The following TMC5 variants were observed in gnomAD, a reference collection of about 807,000 sequenced individuals.
The protein encoded by TMC5 is transmembrane channel-like protein 5.
Under a neutral mutation model 110.5 loss-of-function variants are expected in TMC5, and 86 were observed. That is an observed-to-expected ratio of 0.78 (90% CI 0.65 to 0.93). TMC5 has a LOEUF of 0.93. Ranked by LOEUF, TMC5 falls within the 40% of genes least tolerant of loss-of-function variation. The pLI is 0.00. For missense variants in TMC5, 1,144 were observed against 1,222.8 expected (o/e 0.94, Z 0.96); for synonymous variants, 455 against 439.5 (o/e 1.04, Z -0.44).
At position 19,490,528 on chromosome 16, in the gene TMC5, G is replaced by A; in HGVS notation, c.2707G>A (p.Gly903Arg). ...WVVWIYRNLI[G>R]SVHFFFILTL... ...TGTTTGGATCTATCGGAACCTCATTGGAAGTGTGCACTTCTTTTTCATCCT... is the reference window on the plus strand; with the variant it reads ...TGTTTGGATCTATCGGAACCTCATTAGAAGTGTGCACTTCTTTTTCATCCT... Residue 903 changes from glycine (G) to arginine (R), a missense_variant, in exon 18 of 22, where the codon GGA (glycine) becomes AGA (arginine). Coordinates refer to ENST00000542583, the MANE Select transcript of TMC5 (RefSeq NM_001261841.2). 6.2e-7 allele frequency: 1 copy of A among 1,613,986 alleles called. No homozygotes were observed. The highest frequency in any genetic ancestry group is 8.5e-7 in the Non-Finnish European group (1 of 1,180,010).
At chr16:19,451,874 C>G (rs1385668635) in intron 5 of TMC5, among the ~76,000 whole-genome samples, 1 of 152,242 alleles carries the variant, frequency 6.6e-6, no homozygotes, top group Non-Finnish European at 1.5e-5. Context: ...TCTCAGCTCA[C>G]TGCAACATCC....
intron 1 of TMC5, among the ~76,000 whole-genome samples, chr16:19,421,335 G>A (rs763721631): frequency 3.3e-5 from 5 of 152,082 alleles, no homozygotes; most frequent in Non-Finnish European, 5.9e-5. Context: ...TCATGAGAGG[G>A]ACGCTGTGGG....
At chr16:19,447,347 G>A (rs1967637333) in intron 4 of TMC5, among the ~76,000 whole-genome samples, 1 of 152,060 alleles carries the variant, frequency 6.6e-6, no homozygotes, top group African/African-American at 2.4e-5. Context: ...CTTGGAACTG[G>A]CACACTGTCA....
At chr16:19,457,076 A>G (rs983352044) in intron 5 of TMC5, 72 of 1,431,314 alleles carry the variant, frequency 5.0e-5, no homozygotes, top group Non-Finnish European at 6.6e-5. Flanking sequence ...CTCGTTGTCC[A>G]CAGCATATTT....
Position 19,449,556 on chromosome 16 carries a change from G to A in TMC5, c.973G>A (p.Val325Ile). ...CTTCCCTCCAGTGAACCCTGCTTAT[G>A]TAGGTGAAAGTGGTCCTGTCCATGC... ...PGSGYVNPAY[V>I]GESGPVHAYG... The change falls in exon 5 of 22, where the codon GTA becomes ATA. Residue 325 changes from valine (V) to isoleucine (I), a missense_variant. Coordinates refer to ENST00000542583, the MANE Select transcript of TMC5 (RefSeq NM_001261841.2). 1.2e-6 allele frequency: 2 copies of A among 1,614,110 alleles called. No homozygotes were observed. The highest frequency in any genetic ancestry group is 1.7e-6 in the Non-Finnish European group (2 of 1,179,996).
intron 9 of TMC5, 138 bp downstream of exon 9, chr16:19,466,371 A>G: frequency 1.0e-6 from 1 of 958,016 alleles, no homozygotes; most frequent in South Asian, 1.7e-5. Flanking sequence ...TTTCTTTCTT[A>G]GATAGAGTCT....
chr16:19,431,744 A>G (rs1479374144), intron 2 of TMC5, among the ~76,000 whole-genome samples: 1 of 152,118 alleles, frequency 6.6e-6, no homozygotes, highest in Non-Finnish European at 1.5e-5. Flanking sequence ...GACAATTCAC[A>G]GGCTTCATGA....
intron 2 of TMC5, among the ~76,000 whole-genome samples, chr16:19,434,003 TTA>T (rs1488276284): frequency 3.7e-5 from 4 of 107,108 alleles, no homozygotes; most frequent in Non-Finnish European, 5.2e-5. Context: ...TATATATATA[TTA>T]TATATATAAT....
At chr16:19,444,440 T>C (rs1264369300) in intron 4 of TMC5, among the ~76,000 whole-genome samples, 190 bp downstream of exon 4, 1 of 151,902 alleles carries the variant, frequency 6.6e-6, no homozygotes, top group Non-Finnish European at 1.5e-5. Context: ...TCATCAATTA[T>C]AAAAAAAATG....
intron 3 of TMC5, 24 bp from the exon 4 acceptor site, chr16:19,444,057 G>A (rs115749898): frequency 8.3e-5 from 134 of 1,608,710 alleles, no homozygotes; most frequent in Non-Finnish European, 1.0e-4. Flanking sequence ...TGGTTGGATA[G>A]TGATCCATCA....
upstream of TMC5, among the ~76,000 whole-genome samples, chr16:19,414,191 GT>G (rs1363443212): frequency 6.7e-6 from 1 of 150,142 alleles, no homozygotes; most frequent in Non-Finnish European, 1.5e-5. Flanking sequence ...TCTATCTAGG[GT>G]CCCTGCTTTC....
Position 19,440,466 on chromosome 16 carries a change from G to T in TMC5, c.428G>T (p.Ser143Ile). Residue 143 changes from serine (S) to isoleucine (I), a missense_variant, in exon 3 of 22, where the codon AGT (serine) becomes ATT (isoleucine). Ser to Ile is a moderately radical substitution (Grantham distance 142). Coordinates refer to ENST00000542583, the MANE Select transcript of TMC5 (RefSeq NM_001261841.2). ...RNPDFAGSSS[S>I]GNYAGSRTHP... ...CCTGATTTTGCAGGCTCCAGCAGCA[G>T]TGGAAACTATGCAGGCTCCAGAACA... The T allele has an allele frequency of 6.2e-7, 1 of 1,614,056 alleles. No individual in the cohort carries two copies. The highest frequency in any genetic ancestry group is 1.1e-5 in the South Asian group (1 of 91,078).
At chr16:19,441,384 A>G (rs556551038) in intron 3 of TMC5, among the ~76,000 whole-genome samples, 1 of 151,798 alleles carries the variant, frequency 6.6e-6, no homozygotes, top group East Asian at 1.9e-4. Context: ...CAGTGGCACA[A>G]TCATAGCTCA....
chr16:19,466,267 G>T, intron 9 of TMC5, 34 bp downstream of exon 9: 1 of 1,608,330 alleles, frequency 6.2e-7, no homozygotes, highest in Non-Finnish European at 8.5e-7. Context: ...GATTCTGAGG[G>T]TCATGTTAGA....
chr16:19,472,385 C>A, intron 11 of TMC5, 142 bp downstream of exon 11: 1 of 948,422 alleles, frequency 1.1e-6, no homozygotes, highest in Non-Finnish European at 1.6e-6. Context: ...GTTAAAAATG[C>A]AGGGGTGAGG....
chr16:19,482,225 T>C (rs973596322), intron 15 of TMC5, among the ~76,000 whole-genome samples: 2 of 152,008 alleles, frequency 1.3e-5, no homozygotes, highest in Non-Finnish European at 2.9e-5. Context: ...GCCCAGCCAA[T>C]TTTTGTATTT....
chr16:19,440,110 C>A lies in TMC5; in HGVS notation c.72C>A (p.Asn24Lys). ...ACCCTGACTATTCAGGGTCTCAGAA[C>A]CGTACGCAGGGGTATTTGAAAACTC... ...PDYPDYSGSQNRTQGYLKTQG... is the reference protein window; with the variant it reads ...PDYPDYSGSQKRTQGYLKTQG... Residue 24 changes from asparagine (N) to lysine (K), a missense_variant, in exon 3 of 22, where the codon AAC becomes AAA. Asn to Lys is a moderately conservative substitution (Grantham distance 94). Transcript: ENST00000542583. The A allele has an allele frequency of 6.2e-7, 1 of 1,614,066 alleles. No individual in the cohort carries two copies.
intron 6 of TMC5, among the ~76,000 whole-genome samples, chr16:19,460,971 C>T (rs1388995629): frequency 1.3e-5 from 2 of 151,840 alleles, no homozygotes; most frequent in Admixed American, 6.6e-5. Flanking sequence ...GCATGGGCAT[C>T]ATAGTGAGAC....
At chr16:19,454,688 C>T (rs974136200) in intron 5 of TMC5, among the ~76,000 whole-genome samples, 41 of 152,082 alleles carry the variant, frequency 2.7e-4, no homozygotes, top group African/African-American at 8.5e-4. Flanking sequence ...GAACAGTGTC[C>T]GTTCAGCTCT....
Sources: gnomAD v4.1 joint callset for allele counts (sites outside exome capture counted in the v4.1 genomes callset) on GRCh38, gnomAD v4.1.1 for gene constraint, MANE v1.5 for transcripts, NCBI Gene and HGNC (gene_info 2026-07-23, HGNC 2026-07-21) for gene names.